The following SQOR variants were observed in gnomAD, a reference collection of about 807,000 sequenced individuals.
SQOR encodes sulfide:quinone oxidoreductase, mitochondrial.
In SQOR, 39 loss-of-function variants were observed where a neutral mutation model predicts 48.6. The ratio of observed to expected loss-of-function variants is 0.80; its 90% CI spans 0.62 to 1.05. The LOEUF is 1.05. Ranked by LOEUF, SQOR falls within the 50% of genes least tolerant of loss-of-function variation. The pLI is 0.00. For missense variants in SQOR, 561 were observed against 559.9 expected (o/e 1.00, Z -0.02); for synonymous variants, 220 against 206.2 (o/e 1.07, Z -0.57).
At chr15:45,646,166 G>A (rs595419) in intron 1 of SQOR, among the ~76,000 whole-genome samples, 3 of 152,144 alleles carry the variant, frequency 2.0e-5, no homozygotes, top group African/African-American at 4.8e-5. Flanking sequence ...CTTAGAGGCC[G>A]GCCCCTCTAG....
At chr15:45,646,517 C>T (rs1467582905) in intron 1 of SQOR, among the ~76,000 whole-genome samples, 1 of 152,162 alleles carries the variant, frequency 6.6e-6, no homozygotes, top group Non-Finnish European at 1.5e-5. Context: ...GCTCTATGCA[C>T]ATGGGAGGAT....
At chr15:45,667,501 T>A (rs531227943) in intron 3 of SQOR, among the ~76,000 whole-genome samples, 1 of 152,258 alleles carries the variant, frequency 6.6e-6, no homozygotes, top group East Asian at 1.9e-4. Flanking sequence ...CTCAAAAGTC[T>A]TGTCTATAAG....
intron 1 of SQOR, among the ~76,000 whole-genome samples, chr15:45,657,961 A>G (rs674676): frequency 0.67 from 101,326 of 151,938 alleles, 33,895 homozygotes; most frequent in Admixed American, 0.76. Flanking sequence ...GTTTACAAGT[A>G]GATGGAGTCC....
chr15:45,658,681 C>T (rs1460653360), intron 1 of SQOR, among the ~76,000 whole-genome samples: 2 of 152,222 alleles, frequency 1.3e-5, no homozygotes, highest in Admixed American at 6.5e-5. Flanking sequence ...ATAGCCTGAA[C>T]GTAGGCGGAA....
chr15:45,642,487 T>C (rs1333599434), intron 1 of SQOR, among the ~76,000 whole-genome samples: 1 of 152,230 alleles, frequency 6.6e-6, no homozygotes, highest in Non-Finnish European at 1.5e-5. Context: ...AGCTCTGGCC[T>C]GCACTTGGCC....
chr15:45,678,737 G>A (rs1196672194), intron 6 of SQOR, among the ~76,000 whole-genome samples: 2 of 152,142 alleles, frequency 1.3e-5, no homozygotes, highest in African/African-American at 4.8e-5. Flanking sequence ...ACTGCTGTTT[G>A]TTTTTTGTGT....
chr15:45,690,252 G>T (rs1890299712), intron 9 of SQOR, among the ~76,000 whole-genome samples: 1 of 151,838 alleles, frequency 6.6e-6, no homozygotes, highest in South Asian at 2.1e-4. Flanking sequence ...TTTTAGTAGA[G>T]ACAGGGTTTT....
At chr15:45,641,217 C>T (rs1333429637) in intron 1 of SQOR, among the ~76,000 whole-genome samples, 1 of 152,170 alleles carries the variant, frequency 6.6e-6, no homozygotes, top group African/African-American at 2.4e-5. Flanking sequence ...TCTCTTGTTA[C>T]AATGCATTCT....
At chr15:45,650,454 G>T (rs1889457165) in intron 1 of SQOR, among the ~76,000 whole-genome samples, 1 of 152,214 alleles carries the variant, frequency 6.6e-6, no homozygotes, top group Non-Finnish European at 1.5e-5. Flanking sequence ...GACCTTCACA[G>T]TGAGTGTTAC....
In SQOR at chr15:45,662,116, C is replaced by T. The variant is rs781600806; in HGVS notation, c.396C>T (p.Asp132=). The change falls in exon 3 of 10, where the codon GAC becomes GAT. Residue 132 remains aspartate (D), a synonymous_variant. Transcript: ENST00000260324. ...NPDKNCIHTD[D]DEKISYRYLI... The stretch of plus-strand genomic sequence containing the variant: ...ACAAGAACTGCATTCACACAGATGA[C>T]GACGAGAAGGTAACCACTGAGGCCT... 37 of 1,613,490 alleles carry T rather than the reference C, an allele frequency of 2.3e-5. No homozygotes were observed. The highest frequency in any genetic ancestry group is 1.6e-4 in the Middle Eastern group (1 of 6,084).
intron 3 of SQOR, among the ~76,000 whole-genome samples, chr15:45,667,192 CA>C (rs1889847194): frequency 7.5e-6 from 1 of 132,710 alleles, no homozygotes; most frequent in South Asian, 3.0e-4. Context: ...GGCTGGAGTG[CA>C]GTGGTGAGAT....
At chr15:45,632,511 C>T (rs1894916236), upstream of SQOR, among the ~76,000 whole-genome samples, 2 of 151,952 alleles carry the variant, frequency 1.3e-5, no homozygotes, top group Admixed American at 1.3e-4. Context: ...CGAGCCACCG[C>T]ACCCAGCCCA....
upstream of SQOR, chr15:45,634,993 C>G (rs1396641432): frequency 6.6e-6 from 1 of 152,390 alleles, no homozygotes; most frequent in East Asian, 1.9e-4. Flanking sequence ...TTCCCCGCCT[C>G]CAGCCTCCGC....
chr15:45,660,546 C>G (rs1022275055), intron 2 of SQOR, among the ~76,000 whole-genome samples: 1 of 152,170 alleles, frequency 6.6e-6, no homozygotes, highest in Non-Finnish European at 1.5e-5. Context: ...TCAAGTTTGT[C>G]CTGCCCCGTG....
intron 1 of SQOR, among the ~76,000 whole-genome samples, chr15:45,655,610 C>A (rs1889588377): frequency 6.6e-6 from 1 of 151,498 alleles, no homozygotes; most frequent in Non-Finnish European, 1.5e-5. Flanking sequence ...TCATTAAAAC[C>A]ATTGCTAATA....
chr15:45,633,410 T>C (rs752238876), upstream of SQOR, among the ~76,000 whole-genome samples: 2 of 152,118 alleles, frequency 1.3e-5, no homozygotes, highest in African/African-American at 2.4e-5. Flanking sequence ...CAAAAAATCA[T>C]GTTGGCTGGG....
chr15:45,640,589 A>G (rs977863218), intron 1 of SQOR, among the ~76,000 whole-genome samples: 2 of 152,204 alleles, frequency 1.3e-5, no homozygotes, highest in Non-Finnish European at 2.9e-5. Flanking sequence ...GTATACCTTG[A>G]AATTAAAGAG....
intron 6 of SQOR, among the ~76,000 whole-genome samples, chr15:45,679,485 C>T (rs752512905): frequency 2.6e-5 from 4 of 152,070 alleles, no homozygotes; most frequent in African/African-American, 4.8e-5. Flanking sequence ...GGGTGGATCA[C>T]GAAGTCAGGA....
At chr15:45,648,224 C>T (rs1282089203) in intron 1 of SQOR, among the ~76,000 whole-genome samples, 1 of 151,934 alleles carries the variant, frequency 6.6e-6, no homozygotes, top group Non-Finnish European at 1.5e-5. Flanking sequence ...CGTCACCAGG[C>T]TGGAGTGCAG....
Sources: gnomAD v4.1 joint callset for allele counts (sites outside exome capture counted in the v4.1 genomes callset) on GRCh38, gnomAD v4.1.1 for gene constraint, MANE v1.5 for transcripts, NCBI Gene and HGNC (gene_info 2026-07-23, HGNC 2026-07-21) for gene names.